Variants in TRMT44 observed in about 807,000 individuals in gnomAD.
TRMT44 encodes the protein tRNA methyltransferase 44 homolog.
TRMT44 carries 78 observed loss-of-function variants against 77.3 expected under a neutral mutation model. The ratio of observed to expected loss-of-function variants is 1.01; its 90% CI spans 0.84 to 1.22. The LOEUF (loss-of-function observed/expected upper bound fraction) is 1.22. Among genes scored for constraint, TRMT44 ranks in the 50% most tolerant of loss-of-function variants. The pLI, the probability that TRMT44 is intolerant of heterozygous loss-of-function variation, is 0.00. For synonymous variants in TRMT44, 391 were observed against 383.3 expected, an observed-to-expected ratio of 1.02 and a Z score of -0.23; for missense variants, 1,090 against 964.4, an observed-to-expected ratio of 1.13 and a Z score of -1.73.
chr4:8,450,402 G>A (rs1219514401), intron 3 of TRMT44, among the ~76,000 whole-genome samples: 4 of 150,784 alleles, frequency 2.7e-5, no homozygotes, highest in Non-Finnish European at 5.9e-5. Context: ...GTTTTCAAGA[G>A]ACCTAAAGGG....
intron 8 of TRMT44, 53 bp from the exon 9 acceptor site, chr4:8,467,861 C>T (rs139960708): frequency 1.4e-4 from 214 of 1,503,046 alleles, no homozygotes; most frequent in East Asian, 1.3e-3. Context: ...CCATGGAGAA[C>T]GTTGAAATAG....
intron 9 of TRMT44, among the ~76,000 whole-genome samples, chr4:8,470,474 GT>G (rs1185902344): frequency 3.3e-5 from 5 of 152,270 alleles, no homozygotes; most frequent in Non-Finnish European, 5.9e-5. Flanking sequence ...CCAATTTGAT[GT>G]TTTGGTAATA....
chr4:8,468,127 G>A lies in TRMT44; in HGVS notation c.1708G>A (p.Ala570Thr). 1 of 1,613,940 alleles carries A rather than the reference G, an allele frequency of 6.2e-7. No homozygotes were observed. The highest frequency in any genetic ancestry group is 8.5e-7 in the Non-Finnish European group (1 of 1,179,992). Reference protein sequence around the residue: ...LDARVGCVTRAWAAEHGAGPQ... With the variant: ...LDARVGCVTRTWAAEHGAGPQ... ...CGCCAGGGTCGGGTGTGTAACCAGG[G>A]CCTGGGCCGCTGAGCATGGAGCAGG... The change falls in exon 9 of 11, where the codon GCC becomes ACC. Residue 570 changes from alanine (A) to threonine (T), a missense_variant. Ala to Thr is a moderately conservative substitution (Grantham distance 58). Coordinates refer to ENST00000389737, the MANE Select transcript of TRMT44 (RefSeq NM_152544.3).
rs1725545390 is a variant in TRMT44, at chr4:8,452,908, G to C, written c.1050G>C (p.Glu350Asp). Reference sequence around the variant, plus strand: ...TTCTATGGGAAGAAGAAAGGGCTGAGAGGAGACTAACTGCCAGGCAGTCCT... The same window carrying C: ...TTCTATGGGAAGAAGAAAGGGCTGACAGGAGACTAACTGCCAGGCAGTCCT... ...LLILWEEERA[E>D]RRLTARQSFV... is the part of the protein sequence containing the mutation. The change falls in exon 5 of 11, where the codon GAG becomes GAC. Residue 350 changes from glutamate to aspartate, a missense_variant. Physicochemically the swap from Glu to Asp is conservative, Grantham distance 45. Transcript: ENST00000389737. The surrounding 1 kb of genome is among the most constrained non-coding windows in gnomAD (Gnocchi z 5.7). The C allele has an allele frequency of 6.5e-7, 1 of 1,533,426 alleles. No individual in the cohort carries two copies. The highest frequency in any genetic ancestry group is 1.2e-5 in the South Asian group (1 of 83,630). The allele number at this position is 1,533,426 out of a possible 1,614,324, so 95.0% of individuals were successfully genotyped here. A position where few individuals can be genotyped will look rare whatever the true frequency, so the allele number is the denominator to read the frequency against.
rs764509230 is a variant in TRMT44 at position 8,454,822 on chromosome 4, T to A, written c.1203+9T>A. On this transcript the variant is annotated intron_variant, in intron 6 of 10. Transcript: ENST00000389737. ...CACAAACTCAGTTAGAGGTACCGTCTTTATTACGCATGCCCTTGATCTCAG... is the reference window on the plus strand; with the variant it reads ...CACAAACTCAGTTAGAGGTACCGTCATTATTACGCATGCCCTTGATCTCAG... 6.2e-7 allele frequency: 1 copy of A among 1,613,942 alleles called. No homozygotes were observed. The highest frequency in any genetic ancestry group is 1.7e-5 in the Admixed American group (1 of 60,018).
intron 2 of TRMT44, among the ~76,000 whole-genome samples, chr4:8,491,383 G>C (rs1727998551): frequency 6.6e-6 from 1 of 152,254 alleles, no homozygotes; most frequent in Non-Finnish European, 1.5e-5. Context: ...AGGTGGAGCT[G>C]CCTGCCAGTG....
intron 2 of TRMT44, among the ~76,000 whole-genome samples, chr4:8,491,879 G>T (rs1728018740): frequency 6.6e-6 from 1 of 152,352 alleles, no homozygotes; most frequent in Admixed American, 6.5e-5. Flanking sequence ...TGGGCTGAAG[G>T]GCTCCTCAAG....
Position 8,441,127 on chromosome 4 carries a change from A to C in TRMT44, c.305A>C (p.Glu102Ala), listed in dbSNP as rs759705526. Residue 102 changes from glutamate (E) to alanine (A), a missense_variant, in exon 1 of 11, where the codon GAG becomes GCG. Transcript: ENST00000389737. ...GGCACGGCATGTTGCGAACTTGAGGAGGCCCAGGGCCAGTGCCAGCAAGAG... is the reference window on the plus strand; with the variant it reads ...GGCACGGCATGTTGCGAACTTGAGGCGGCCCAGGGCCAGTGCCAGCAAGAG... Reference protein sequence around the residue: ...EQGTACCELEEAQGQCQQEEA... With the variant: ...EQGTACCELEAAQGQCQQEEA... 16 of 1,518,382 alleles carry C rather than the reference A, an allele frequency of 1.1e-5. No homozygotes were observed. In the South Asian group the frequency reaches 1.9e-4, roughly 18 times the overall value. 94.1% of individuals were successfully genotyped at this position (1,518,382 alleles called of 1,614,324 possible). A position where few individuals can be genotyped will look rare whatever the true frequency, so the allele number is the denominator to read the frequency against.
In TRMT44 at chr4:8,471,072, G is replaced by A. The variant is rs764509466; in HGVS notation, c.1928-12G>A. ...GTTGTTTTGGGGAAAAAAAAAACCCGTTTTTCCACAGAGAGCCTATCTCTG... is the reference window on the plus strand; with the variant it reads ...GTTGTTTTGGGGAAAAAAAAAACCCATTTTTCCACAGAGAGCCTATCTCTG... On this transcript the variant is annotated splice_polypyrimidine_tract_variant and intron_variant, in intron 9 of 10. Coordinates refer to ENST00000389737, the MANE Select transcript of TRMT44 (RefSeq NM_152544.3). 9.6e-6 allele frequency: 15 copies of A among 1,566,224 alleles called. No individual in the cohort carries two copies. The highest frequency in any genetic ancestry group is 3.4e-4 in the Middle Eastern group (2 of 5,828).
intron 1 of TRMT44, among the ~76,000 whole-genome samples, chr4:8,443,130 TA>T (rs1190794780): frequency 2.6e-5 from 4 of 152,142 alleles, no homozygotes; most frequent in Non-Finnish European, 4.4e-5. Flanking sequence ...TGTAAGACTC[TA>T]GGTGTCCTCT....
At chr4:8,458,589 G>T (rs1725960402) in intron 6 of TRMT44, among the ~76,000 whole-genome samples, 1 of 151,134 alleles carries the variant, frequency 6.6e-6, no homozygotes, top group South Asian at 2.1e-4. Flanking sequence ...CGAGTAGCTG[G>T]GATTACAGGT....
chr4:8,467,292 G>A (rs1473672650), intron 8 of TRMT44, among the ~76,000 whole-genome samples: 2 of 152,202 alleles, frequency 1.3e-5, no homozygotes, highest in Admixed American at 1.3e-4. Flanking sequence ...GGAATGAGGG[G>A]CGGCAGCGGG....
rs1395719776 is a variant in TRMT44, at chr4:8,452,054, C to A, written c.1023+26C>A. ...GTAAGGGTGTAAGCGACCTCAGCTT[C>A]TCTGGAGTGGGTGGAGTTTGCTACA... On this transcript the variant is annotated intron_variant, in intron 4 of 10. Transcript: ENST00000389737. This position sits in a 1 kb window ranked among gnomAD's most constrained non-coding sequence, Gnocchi z 5.7. 6.5e-7 allele frequency: 1 copy of A among 1,532,740 alleles called. No homozygotes were observed. Among genetic ancestry groups the A allele is most frequent in the South Asian group, 1.2e-5 (1 of 83,984 alleles). 94.9% of individuals were successfully genotyped at this position (1,532,740 alleles called of 1,614,324 possible).
downstream of TRMT44, among the ~76,000 whole-genome samples, chr4:8,493,932 C>T (rs1325229663): frequency 6.7e-6 from 1 of 150,330 alleles, no homozygotes; most frequent in East Asian, 1.9e-4. Context: ...ATGACTCTTA[C>T]TGGTCTCTTA....
At chr4:8,455,887 A>G (rs73213405) in intron 6 of TRMT44, among the ~76,000 whole-genome samples, 3,991 of 152,320 alleles carry the variant, frequency 0.026, 96 homozygotes, top group African/African-American at 0.066. Flanking sequence ...ATTTGCAACA[A>G]TTTGAAAAAA....
At chr4:8,502,307 A>C in the TRMT44 span, among the ~76,000 whole-genome samples, 4 of 152,164 alleles carry the variant, frequency 2.6e-5, no homozygotes, top group East Asian at 7.7e-4. Flanking sequence ...GTGTTTGTTG[A>C]CCACATCTGC....
chr4:8,492,051 G>T (rs534482047), intron 2 of TRMT44, among the ~76,000 whole-genome samples: 1 of 152,206 alleles, frequency 6.6e-6, no homozygotes. Flanking sequence ...GTCTTTCTTT[G>T]TGCAGTGGTC....
At chr4:8,480,012 C>G (rs915173013), downstream of TRMT44, among the ~76,000 whole-genome samples, 5 of 152,102 alleles carry the variant, frequency 3.3e-5, no homozygotes, top group Non-Finnish European at 5.9e-5. Context: ...CCCCAAGTAG[C>G]TGGGACCACA....
intron 2 of TRMT44, among the ~76,000 whole-genome samples, chr4:8,490,202 C>T (rs931081431): frequency 6.6e-6 from 1 of 152,218 alleles, no homozygotes; most frequent in Non-Finnish European, 1.5e-5. Context: ...TGAAAAACCC[C>T]TATCCTACAA....
Sources: gnomAD v4.1 joint callset for allele counts (sites outside exome capture counted in the v4.1 genomes callset) on GRCh38, gnomAD v4.1.1 for gene constraint, Gnocchi (gnomAD v3.1) non-coding constraint, MANE v1.5 for transcripts, NCBI Gene and HGNC (gene_info 2026-07-23, HGNC 2026-07-21) for gene names.